Variants in MRPS28 observed in about 807,000 individuals in gnomAD.
The protein encoded by MRPS28 is mitochondrial ribosomal protein S28.
MRPS28 carries 7 observed loss-of-function variants against 10.8 expected under a neutral mutation model. The observed-to-expected ratio is 0.65, with a 90% confidence interval of 0.37 to 1.22. The LOEUF is 1.22. Among genes scored for constraint, MRPS28 ranks in the 50% most tolerant of loss-of-function variants. The pLI, the probability that MRPS28 is intolerant of heterozygous loss-of-function variation, is 0.02. For synonymous variants in MRPS28, 121 were observed against 93.3 expected, an observed-to-expected ratio of 1.30 and a Z score of -1.71; for missense variants, 265 against 232.9, an observed-to-expected ratio of 1.14 and a Z score of -0.90.
intron 2 of MRPS28, among the ~76,000 whole-genome samples, chr8:79,974,135 C>A (rs2130050855): frequency 6.6e-6 from 1 of 152,296 alleles, no homozygotes; most frequent in South Asian, 2.1e-4. Context: ...TTGTCTTTAG[C>A]TTTACTAATC....
At chr8:80,011,509 T>C (rs535722201) in intron 1 of MRPS28, among the ~76,000 whole-genome samples, 1 of 151,922 alleles carries the variant, frequency 6.6e-6, no homozygotes, top group African/African-American at 2.4e-5. Flanking sequence ...ATCCCAGCAC[T>C]ATGGGAGGCC....
chr8:79,921,800 C>A (rs1464575896), intron 2 of MRPS28, among the ~76,000 whole-genome samples: 1 of 152,094 alleles, frequency 6.6e-6, no homozygotes. Context: ...ATTGCCCTGG[C>A]CAGAACTTCC....
At chr8:79,919,217 A>G (rs564263479) in intron 2 of MRPS28, 69 bp from the exon 3 acceptor site, 73 of 1,222,956 alleles carry the variant, frequency 6.0e-5, no homozygotes, top group Non-Finnish European at 7.5e-5. Context: ...GTTTAATAAC[A>G]ACAACCAAAT....
chr8:79,944,379 A>G (rs1485415272), intron 2 of MRPS28, among the ~76,000 whole-genome samples: 4 of 152,206 alleles, frequency 2.6e-5, no homozygotes, highest in Non-Finnish European at 5.9e-5. Flanking sequence ...TCTTAGGACT[A>G]AAGGATGGGC....
At chr8:79,953,215 GT>G (rs1807122179) in intron 2 of MRPS28, among the ~76,000 whole-genome samples, 2 of 152,158 alleles carry the variant, frequency 1.3e-5, no homozygotes, top group African/African-American at 4.8e-5. Context: ...TGCCACTCCA[GT>G]TGCGTATTCC....
At chr8:79,983,994 G>T in intron 2 of MRPS28, among the ~76,000 whole-genome samples, 1 of 152,222 alleles carries the variant, frequency 6.6e-6, no homozygotes, top group Admixed American at 6.5e-5. Context: ...AAGTTGAAAT[G>T]AAGGAAAAAA....
chr8:79,994,499 T>A (rs569785913), intron 2 of MRPS28, among the ~76,000 whole-genome samples: 1 of 152,194 alleles, frequency 6.6e-6, no homozygotes, highest in African/African-American at 2.4e-5. Context: ...TTATTCAAAA[T>A]TTTTCTCTCT....
intron 2 of MRPS28, among the ~76,000 whole-genome samples, chr8:79,957,591 G>GC (rs1447835399): frequency 2.0e-5 from 3 of 150,472 alleles, no homozygotes; most frequent in African/African-American, 7.3e-5. Context: ...GGTGGTAAGT[G>GC]CCTGTAGTCC....
At position 79,953,373 on chromosome 8, in the gene MRPS28, G is replaced by T. The variant is rs753395183; in HGVS notation, c.396-34225C>A. ...GGATGTATTAAGATAATACGATATT[G>T]GTTCAAAGACATGGTACAGAATAGA... On this transcript the variant is annotated intron_variant, in intron 2 of 2. Transcript: ENST00000276585. 2.6e-4 allele frequency among the ~76,000 whole-genome samples: 39 copies of T among 152,182 alleles called. 1 individual carries two copies. Among genetic ancestry groups the T allele is most frequent in the Non-Finnish European group, 5.1e-4 (35 of 68,004 alleles).
intron 1 of MRPS28, among the ~76,000 whole-genome samples, chr8:80,008,717 C>A (rs1004568177): frequency 7.9e-5 from 12 of 152,220 alleles, no homozygotes; most frequent in African/African-American, 2.9e-4. Context: ...ATCAAAACCA[C>A]AATGGGATAA....
chr8:79,954,028 T>A (rs984550892), intron 2 of MRPS28, among the ~76,000 whole-genome samples: 16 of 152,102 alleles, frequency 1.1e-4, no homozygotes, highest in Admixed American at 9.2e-4. Context: ...ACACTGACAG[T>A]AACAACTGTG....
At chr8:80,024,758 A>G (rs1016325281) in intron 1 of MRPS28, among the ~76,000 whole-genome samples, 1 of 152,246 alleles carries the variant, frequency 6.6e-6, no homozygotes, top group African/African-American at 2.4e-5. Context: ...AGTGTAAAGC[A>G]TTATGCAAAG....
chr8:79,939,045 G>A (rs1182216160), intron 2 of MRPS28, among the ~76,000 whole-genome samples: 1 of 152,200 alleles, frequency 6.6e-6, no homozygotes. Flanking sequence ...CAGTTTCAGA[G>A]ATACCTACTG....
intron 2 of MRPS28, chr8:79,957,668 A>G (rs1807262265): frequency 6.6e-6 from 1 of 152,198 alleles, no homozygotes; most frequent in Non-Finnish European, 1.5e-5. Context: ...ATAGTGAGCC[A>G]TGATTGTGCC....
intron 2 of MRPS28, among the ~76,000 whole-genome samples, chr8:79,990,748 G>A (rs1808338625): frequency 6.6e-6 from 1 of 152,020 alleles, no homozygotes; most frequent in Admixed American, 6.6e-5. Flanking sequence ...CTAGCACTCT[G>A]GGAGGCCGAG....
chr8:79,933,909 T>G (rs1563519861), intron 2 of MRPS28, among the ~76,000 whole-genome samples: 1 of 152,344 alleles, frequency 6.6e-6, no homozygotes, highest in East Asian at 1.9e-4. Context: ...AATTATTGTT[T>G]GCACAGTTCA....
chr8:79,920,105 A>G (rs1369258041), intron 2 of MRPS28, among the ~76,000 whole-genome samples: 1 of 151,986 alleles, frequency 6.6e-6, no homozygotes, highest in Non-Finnish European at 1.5e-5. Context: ...CCATGTCCCT[A>G]CAAAGGACAT....
intron 2 of MRPS28, among the ~76,000 whole-genome samples, chr8:79,949,575 T>C (rs1310663269): frequency 6.6e-6 from 1 of 152,196 alleles, no homozygotes; most frequent in Non-Finnish European, 1.5e-5. Context: ...CTACAAGAAC[T>C]TGCATTCTAC....
chr8:80,030,205 T>G lies in MRPS28; in HGVS notation c.44A>C (p.His15Pro). 6.2e-7 allele frequency: 1 copy of G among 1,614,152 alleles called. No homozygotes were observed. Among genetic ancestry groups the G allele is most frequent in the Non-Finnish European group, 8.5e-7 (1 of 1,180,034 alleles). Residue 15 changes from histidine (H) to proline (P), a missense_variant, in exon 1 of 3, where the codon CAT (histidine) becomes CCT (proline). By Grantham distance (77) the His-to-Pro change is moderately conservative (BLOSUM62 -2). Coordinates refer to ENST00000276585, the MANE Select transcript of MRPS28 (RefSeq NM_014018.3). Reference sequence around the variant, plus strand: ...GAAGAAGAGAAACACTCGCAGAAAATGGCTCTCGGCAGCCACAGCACGGGT... The same window carrying G: ...GAAGAAGAGAAACACTCGCAGAAAAGGGCTCTCGGCAGCCACAGCACGGGT... ...CRTRAVAAES[H>P]FLRVFLFFRP... is the part of the protein sequence containing the mutation.
Sources: gnomAD v4.1 joint callset for allele counts (sites outside exome capture counted in the v4.1 genomes callset) on GRCh38, gnomAD v4.1.1 for gene constraint, MANE v1.5 for transcripts, NCBI Gene and HGNC (gene_info 2026-07-23, HGNC 2026-07-21) for gene names.